The following RGPD2 variants were observed in gnomAD, a reference collection of about 807,000 sequenced individuals.
RGPD2 encodes the protein RANBP2 like and GRIP domain containing 2, also known as RANBP2-like and GRIP domain-containing protein 2.
A neutral mutation model predicts 36.0 loss-of-function variants in RGPD2; 2 were observed. The observed-to-expected ratio is 0.06, with a 90% CI of 0.02 to 0.17. RGPD2 has a LOEUF of 0.17. Ranked by LOEUF, RGPD2 falls within the 10% of genes least tolerant of loss-of-function variation. The pLI, the probability that RGPD2 is intolerant of heterozygous loss-of-function variation, is 1.00. For synonymous variants in RGPD2, 19 were observed against 163.8 expected (o/e 0.12, Z 6.75); for missense variants, 40 against 464.3 (o/e 0.09, Z 8.40).
At chr2:87,967,775 A>ATCCTC in the RGPD2 span, among the ~76,000 whole-genome samples, 10 of 150,760 alleles carry the variant, frequency 6.6e-5, no homozygotes, top group Non-Finnish European at 1.2e-4. Context: ...CTTTCAAATT[A>ATCCTC]TCCTCTTGAT....
the RGPD2 span, among the ~76,000 whole-genome samples, chr2:87,868,678 C>T: frequency 6.6e-6 from 1 of 152,238 alleles, no homozygotes; most frequent in South Asian, 2.1e-4. Context: ...AAACGGCAAA[C>T]ATACTTCTAT....
the RGPD2 span, among the ~76,000 whole-genome samples, chr2:87,844,022 T>C: frequency 6.7e-6 from 1 of 149,764 alleles, no homozygotes; most frequent in East Asian, 2.0e-4. Flanking sequence ...TGAGAACACA[T>C]GGACACAGGA....
At chr2:87,973,639 C>G in the RGPD2 span, among the ~76,000 whole-genome samples, 4 of 138,444 alleles carry the variant, frequency 2.9e-5, no homozygotes. Context: ...CTAGCTTTAC[C>G]CCCGCAAGAC....
intron 20 of RGPD2, among the ~76,000 whole-genome samples, chr2:87,776,366 GCATC>G (rs1465139491): frequency 2.0e-4 from 19 of 94,250 alleles, no homozygotes; most frequent in South Asian, 9.7e-4. Flanking sequence ...TACTTAATAA[GCATC>G]CATCCATCCA....
the RGPD2 span, among the ~76,000 whole-genome samples, chr2:87,973,404 G>A: frequency 8.3e-5 from 11 of 131,934 alleles, no homozygotes; most frequent in Middle Eastern, 3.7e-3. Flanking sequence ...ACTACTCCCC[G>A]TGTGCACTGC....
At chr2:87,913,314 G>A in the RGPD2 span, among the ~76,000 whole-genome samples, 3 of 151,398 alleles carry the variant, frequency 2.0e-5, no homozygotes, top group Non-Finnish European at 4.4e-5. Flanking sequence ...AACACCGCAT[G>A]TTCTCACTCA....
At chr2:87,909,081 T>C in the RGPD2 span, among the ~76,000 whole-genome samples, 1 of 149,248 alleles carries the variant, frequency 6.7e-6, no homozygotes, top group African/African-American at 2.5e-5. Context: ...TCAAAGGTCC[T>C]AAGAGTCAGG....
chr2:87,863,538 T>A, the RGPD2 span, among the ~76,000 whole-genome samples: 1 of 151,848 alleles, frequency 6.6e-6, no homozygotes. Flanking sequence ...GCTAAGATGC[T>A]TGCTGAAGGC....
At chr2:87,920,163 T>C in the RGPD2 span, among the ~76,000 whole-genome samples, 1 of 151,908 alleles carries the variant, frequency 6.6e-6, no homozygotes, top group African/African-American at 2.4e-5. Flanking sequence ...CTAAATCTGA[T>C]AGATATTAAT....
the RGPD2 span, among the ~76,000 whole-genome samples, chr2:87,949,143 GA>G: frequency 1.0e-3 from 144 of 140,504 alleles, no homozygotes; most frequent in African/African-American, 2.9e-3. Flanking sequence ...GAGACTGTCT[GA>G]AAAAAAAAAA....
At chr2:87,974,360 AG>A in the RGPD2 span, among the ~76,000 whole-genome samples, 1 of 147,142 alleles carries the variant, frequency 6.8e-6, no homozygotes, top group South Asian at 2.2e-4. Flanking sequence ...GGCAGATTTT[AG>A]GCCTGAAGCC....
the RGPD2 span, among the ~76,000 whole-genome samples, chr2:87,836,741 A>T: frequency 6.6e-6 from 1 of 152,006 alleles, no homozygotes; most frequent in Non-Finnish European, 1.5e-5. Context: ...ATCAATATTA[A>T]CATCCAATGA....
Position 87,771,884 on chromosome 2 carries a change from A to T in RGPD2, c.5236+285T>A, listed in dbSNP as rs1685135317. Among the ~76,000 whole-genome samples, 3 of 151,774 alleles carry T rather than the reference A, an allele frequency of 2.0e-5. No homozygotes were observed. The East Asian group carries it at 5.8e-4, about 29-fold the overall frequency. ...TTTAAAACAAAACCACGTTCAGCTGAACACCAGAACTCAACACCAGGATAA... is the reference window on the plus strand; with the variant it reads ...TTTAAAACAAAACCACGTTCAGCTGTACACCAGAACTCAACACCAGGATAA... On this transcript the variant is annotated intron_variant, in intron 22 of 22. Coordinates refer to ENST00000398146, the MANE Select transcript of RGPD2 (RefSeq NM_001078170.3).
chr2:87,988,320 C>T, the RGPD2 span, among the ~76,000 whole-genome samples: 1 of 130,528 alleles, frequency 7.7e-6, no homozygotes, highest in Non-Finnish European at 1.6e-5. Context: ...TGTATTTTGA[C>T]AATAATATTA....
chr2:87,763,403 C>A (rs1307066810), intron 22 of RGPD2, among the ~76,000 whole-genome samples: 3 of 143,290 alleles, frequency 2.1e-5, no homozygotes, highest in Non-Finnish European at 4.6e-5. Flanking sequence ...GTGATCCTCC[C>A]ACCTCAGCCT....
At chr2:87,878,591 A>C in the RGPD2 span, among the ~76,000 whole-genome samples, 1 of 152,252 alleles carries the variant, frequency 6.6e-6, no homozygotes, top group Non-Finnish European at 1.5e-5. Flanking sequence ...AGGAACATTT[A>C]AAATTCTCTC....
chr2:87,986,473 A>G, the RGPD2 span, among the ~76,000 whole-genome samples: 3 of 151,934 alleles, frequency 2.0e-5, no homozygotes, highest in Admixed American at 2.0e-4. Context: ...TCAGAAATAA[A>G]GTAACCAAAT....
chr2:87,966,602 T>G, the RGPD2 span, among the ~76,000 whole-genome samples: 12 of 152,334 alleles, frequency 7.9e-5, no homozygotes, highest in African/African-American at 2.9e-4. Context: ...AATGGAGAAT[T>G]TCGAGTCCCC....
chr2:87,952,093 A>G, the RGPD2 span, among the ~76,000 whole-genome samples: 3 of 152,310 alleles, frequency 2.0e-5, no homozygotes, highest in Non-Finnish European at 4.4e-5. Flanking sequence ...ACAAATTATT[A>G]TAATAACTTG....
Sources: allele counts gnomAD v4.1 joint callset (sites outside exome capture counted in the v4.1 genomes callset), GRCh38; gene constraint gnomAD v4.1.1; transcripts MANE v1.5; gene names NCBI Gene and HGNC (gene_info 2026-07-23, HGNC 2026-07-21).